The following NOMO2 variants were observed in gnomAD, a reference collection of about 807,000 sequenced individuals.
NOMO2 encodes the protein NODAL modulator 2.
NOMO2 carries 14 observed loss-of-function variants against 67.1 expected under a neutral mutation model. The observed-to-expected ratio is 0.21, with a 90% CI of 0.14 to 0.33. The LOEUF is 0.33. NOMO2 is among the 10% of genes least tolerant of loss of function. NOMO2 has a pLI of 1.00. For synonymous variants in NOMO2, 80 were observed against 305.9 expected (o/e 0.26, Z 7.71); for missense variants, 178 against 761.0 (o/e 0.23, Z 9.01).
intron 4 of NOMO2, among the ~76,000 whole-genome samples, chr16:18,550,878 G>T (rs1475099421): frequency 6.6e-6 from 1 of 151,882 alleles, no homozygotes; most frequent in Non-Finnish European, 1.5e-5. Flanking sequence ...GCTAACAGCG[G>T]CTGGGTGCAC....
intron 1 of NOMO2, among the ~76,000 whole-genome samples, 183 bp from the exon 2 acceptor site, chr16:18,557,974 T>C (rs1331165950): frequency 1.3e-5 from 2 of 152,020 alleles, no homozygotes; most frequent in Non-Finnish European, 2.9e-5. Flanking sequence ...ATCATGTGAC[T>C]CAATGTTTTT....
chr16:18,538,676 A>G lies in NOMO2; in HGVS notation c.1070T>C (p.Val357Ala), dbSNP rs750233938. 3 of 1,613,626 alleles carry G rather than the reference A, an allele frequency of 1.9e-6. No individual in the cohort carries two copies. The Admixed American group carries it at 5.0e-5, about 27-fold the overall frequency. ...AVVTLNNQIK[V>A]KTKADGSFRL... is the part of the protein sequence containing the mutation. Reference sequence around the variant, plus strand: ...GAATGAGCCATCAGCTTTTGTTTTAACTGTAAAACAAAAACACACAAACAG... The same window carrying G: ...GAATGAGCCATCAGCTTTTGTTTTAGCTGTAAAACAAAAACACACAAACAG... Residue 357 changes from valine (V) to alanine (A), a missense_variant and splice_region_variant, in exon 11 of 31, where the codon GTT (valine) becomes GCT (alanine). Physicochemically the swap from Val to Ala is moderately conservative, Grantham distance 64. Coordinates refer to ENST00000622306, the MANE Select transcript of NOMO2 (RefSeq NM_173614.4).
Position 18,548,385 on chromosome 16 carries a change from T to C in NOMO2, c.510-1085A>G, listed in dbSNP as rs1422629245. Among the ~76,000 whole-genome samples the C allele has an allele frequency of 1.5e-4, 23 of 151,660 alleles. 1 individual carries two copies. The highest frequency in any genetic ancestry group is 6.3e-4 in the South Asian group (3 of 4,782). On this transcript the variant is annotated intron_variant, in intron 5 of 30. Transcript: ENST00000622306. ...CAAAAATGAAAACTAGTTTCAACAA[T>C]AATAACTTTAAAATTGAATAACTTA...
chr16:18,548,284 A>G (rs1901697118), intron 5 of NOMO2, among the ~76,000 whole-genome samples: 1 of 151,484 alleles, frequency 6.6e-6, no homozygotes, highest in African/African-American at 2.4e-5. Flanking sequence ...TAGCCCAGAA[A>G]AAAAATTACA....
In NOMO2 at chr16:18,526,704, G is replaced by A. The variant is rs560409209; in HGVS notation, c.1894+833C>T. 5.3e-5 allele frequency among the ~76,000 whole-genome samples: 8 copies of A among 151,902 alleles called. No individual in the cohort carries two copies. In the East Asian group the frequency reaches 9.7e-4, roughly 18 times the overall value. On this transcript the variant is annotated intron_variant, in intron 16 of 30. Coordinates refer to ENST00000622306, the MANE Select transcript of NOMO2 (RefSeq NM_173614.4). The stretch of plus-strand genomic sequence containing the variant: ...AAACGTCCAAAAAAAGCCAATCCAT[G>A]GGGACAGAAAATAGATCAGTGGCTG...
chr16:18,553,047 G>T (rs1000572061), intron 3 of NOMO2, among the ~76,000 whole-genome samples: 4 of 151,920 alleles, frequency 2.6e-5, no homozygotes, highest in Non-Finnish European at 5.9e-5. Context: ...GCCAAAGCGG[G>T]CAGATCACTT....
At chr16:18,545,220 C>T (rs920549650) in intron 6 of NOMO2, among the ~76,000 whole-genome samples, 28 of 149,042 alleles carry the variant, frequency 1.9e-4, no homozygotes, top group Non-Finnish European at 3.7e-4. Context: ...CTCAGCCTCC[C>T]GAGTAGCTGG....
At chr16:18,556,440 C>T (rs1901905290) in intron 2 of NOMO2, among the ~76,000 whole-genome samples, 2 of 144,320 alleles carry the variant, frequency 1.4e-5, no homozygotes, top group South Asian at 4.4e-4. Context: ...GAGACTCTGT[C>T]TCAAAAAAAA....
chr16:18,545,450 A>G (rs964884381), intron 6 of NOMO2, among the ~76,000 whole-genome samples: 1 of 151,836 alleles, frequency 6.6e-6, no homozygotes, highest in Admixed American at 6.6e-5. Context: ...CCCAAAACCA[A>G]AAGTCATAAA....
At chr16:18,557,292 T>TACAATTGTTTTA (rs1901929427) in intron 2 of NOMO2, among the ~76,000 whole-genome samples, 1 of 151,696 alleles carries the variant, frequency 6.6e-6, no homozygotes, top group African/African-American at 2.4e-5. Context: ...GTATTACTTG[T>TACAATTGTTTTA]ACAATTGTTT....
intron 3 of NOMO2, among the ~76,000 whole-genome samples, chr16:18,551,885 C>A (rs1367587260): frequency 1.3e-5 from 2 of 151,954 alleles, no homozygotes; most frequent in East Asian, 1.9e-4. Flanking sequence ...ATGCTCATCA[C>A]CGACCAGGCA....
chr16:18,545,431 A>G, intron 6 of NOMO2, among the ~76,000 whole-genome samples: 1 of 151,956 alleles, frequency 6.6e-6, no homozygotes. Flanking sequence ...GCTGCAGAAG[A>G]GAAAAACCCC....
At chr16:18,553,521 C>T (rs904875636) in intron 3 of NOMO2, among the ~76,000 whole-genome samples, 7 of 151,148 alleles carry the variant, frequency 4.6e-5, no homozygotes, top group African/African-American at 7.3e-5. Flanking sequence ...GAGGGTGGGG[C>T]GGGATGGCTA....
chr16:18,525,289 G>A (rs1371195999), intron 16 of NOMO2, among the ~76,000 whole-genome samples: 1 of 149,936 alleles, frequency 6.7e-6, no homozygotes, highest in Non-Finnish European at 1.5e-5. Flanking sequence ...AATATCGACA[G>A]AGCACCTCTT....
intron 16 of NOMO2, among the ~76,000 whole-genome samples, chr16:18,526,215 T>C (rs943693379): frequency 3.9e-5 from 6 of 152,024 alleles, no homozygotes; most frequent in Admixed American, 3.9e-4. Context: ...AAAACCACCA[T>C]GAGACACAAC....
At chr16:18,534,040 CATAAAG>C (rs1308542413) in intron 11 of NOMO2, among the ~76,000 whole-genome samples, 14 of 151,926 alleles carry the variant, frequency 9.2e-5, no homozygotes, top group African/African-American at 3.1e-4. Context: ...TTACTTTTGA[CATAAAG>C]ATAATCAAGA....
chr16:18,559,161 TCAAAATAAAA>T (rs1301081955), intron 1 of NOMO2, among the ~76,000 whole-genome samples: 1 of 151,942 alleles, frequency 6.6e-6, no homozygotes, highest in Non-Finnish European at 1.5e-5. Context: ...AGACCCTGCC[TCAAAATAAAA>T]CAAAATAAAA....
Position 18,538,514 on chromosome 16 carries a change from C to T in NOMO2, c.1220+12G>A, listed in dbSNP as rs762018129. 1.4e-5 allele frequency: 22 copies of T among 1,613,360 alleles called. No homozygotes were observed. Among genetic ancestry groups the T allele is most frequent in the African/African-American group, 6.7e-5 (5 of 74,862 alleles). On this transcript the variant is annotated intron_variant, in intron 11 of 30. Transcript: ENST00000622306. ...ATTTACTGGTGCTTCCAAATCCACACGATAAGCTTACCCTGTTGCAACAAT... is the reference window on the plus strand; with the variant it reads ...ATTTACTGGTGCTTCCAAATCCACATGATAAGCTTACCCTGTTGCAACAAT...
intron 9 of NOMO2, among the ~76,000 whole-genome samples, chr16:18,541,423 CCT>C (rs1207238067): frequency 4.6e-5 from 6 of 129,156 alleles, no homozygotes; most frequent in Admixed American, 1.6e-4. Context: ...AACTGCAACC[CCT>C]GTCTCCACCC....
Sources: gnomAD v4.1 joint callset for allele counts (sites outside exome capture counted in the v4.1 genomes callset) on GRCh38, gnomAD v4.1.1 for gene constraint, MANE v1.5 for transcripts, NCBI Gene and HGNC (gene_info 2026-07-23, HGNC 2026-07-21) for gene names.